The following DGKB variants were observed in gnomAD, a reference collection of about 807,000 sequenced individuals.
DGKB encodes the protein diacylglycerol kinase beta, also known as 90 kDa diacylglycerol kinase.
In DGKB, 67 loss-of-function variants were observed where a neutral mutation model predicts 114.3. The observed-to-expected ratio is 0.59, with a 90% CI of 0.48 to 0.72. The LOEUF is 0.72. Among genes scored for constraint, DGKB ranks in the 30% least tolerant of loss-of-function variants. The probability of loss-of-function intolerance (pLI) is 0.00; values close to 1 mark genes in which losing one functional copy is unlikely to be tolerated. For synonymous variants in DGKB, 398 were observed against 323.1 expected (o/e 1.23, Z -2.49); for missense variants, 907 against 975.2 (o/e 0.93, Z 0.93).
At chr7:14,231,407 G>A (rs2128341585) in intron 23 of DGKB, among the ~76,000 whole-genome samples, 1 of 151,846 alleles carries the variant, frequency 6.6e-6, no homozygotes. Context: ...CCCAAAATAT[G>A]CTTTTTAATG....
At chr7:14,560,318 G>A (rs1316576005) in intron 20 of DGKB, among the ~76,000 whole-genome samples, 3 of 152,076 alleles carry the variant, frequency 2.0e-5, no homozygotes, top group Non-Finnish European at 4.4e-5. Context: ...TATCCCTCTA[G>A]CTTTACTGAA....
chr7:14,684,978 A>C (rs1821425799), intron 10 of DGKB, among the ~76,000 whole-genome samples: 1 of 152,182 alleles, frequency 6.6e-6, no homozygotes, highest in African/African-American at 2.4e-5. Flanking sequence ...AGAAATGGGA[A>C]ACATGAATAA....
intron 21 of DGKB, 130 bp downstream of exon 21, chr7:14,478,025 TACACAC>T (rs3839747): frequency 1.4e-4 from 57 of 404,874 alleles, no homozygotes; most frequent in African/African-American, 1.0e-3. Context: ...TCTTAATATT[TACACAC>T]ACACACACAC....
At chr7:14,315,071 C>G (rs1458351154) in intron 23 of DGKB, among the ~76,000 whole-genome samples, 1 of 151,082 alleles carries the variant, frequency 6.6e-6, no homozygotes, top group Non-Finnish European at 1.5e-5. Context: ...ACTTTACAGA[C>G]AAGCAAATGC....
chr7:14,306,259 G>T (rs1208365504), intron 23 of DGKB, among the ~76,000 whole-genome samples: 1 of 151,926 alleles, frequency 6.6e-6, no homozygotes, highest in Non-Finnish European at 1.5e-5. Flanking sequence ...AAGTTAAATA[G>T]ACTGGAATCA....
chr7:14,566,929 C>A (rs1797471077), intron 20 of DGKB, among the ~76,000 whole-genome samples: 1 of 150,474 alleles, frequency 6.6e-6, no homozygotes, highest in African/African-American at 2.4e-5. Flanking sequence ...CGGTTGATGT[C>A]CTTCATGGTA....
intron 2 of DGKB, among the ~76,000 whole-genome samples, chr7:14,833,883 T>C (rs957766608): frequency 6.6e-6 from 1 of 152,122 alleles, no homozygotes; most frequent in Non-Finnish European, 1.5e-5. Context: ...CTTCTATCCA[T>C]ATGCGCAGAG....
At chr7:14,965,109 T>A (rs1044290501) in intron 1 of DGKB, among the ~76,000 whole-genome samples, 2 of 152,102 alleles carry the variant, frequency 1.3e-5, no homozygotes, top group Non-Finnish European at 2.9e-5. Context: ...GGTACAGGGC[T>A]AGTTGGAAGA....
intron 21 of DGKB, among the ~76,000 whole-genome samples, chr7:14,472,711 T>C (rs1485908614): frequency 1.3e-5 from 2 of 152,160 alleles, no homozygotes; most frequent in Non-Finnish European, 2.9e-5. Flanking sequence ...AAAATGCTGA[T>C]ATTGATACGG....
chr7:14,933,832 C>T (rs1785150767), intron 1 of DGKB, among the ~76,000 whole-genome samples: 1 of 152,046 alleles, frequency 6.6e-6, no homozygotes, highest in Non-Finnish European at 1.5e-5. Context: ...TTTTCAACAG[C>T]CCTAGAAGTT....
chr7:14,818,645 A>T (rs530963165), intron 2 of DGKB, among the ~76,000 whole-genome samples: 114 of 152,350 alleles, frequency 7.5e-4, no homozygotes, highest in African/African-American at 2.5e-3. Context: ...GAAAAGAAAA[A>T]GAACTGAAGA....
At chr7:14,534,663 A>G (rs1378879642) in intron 20 of DGKB, among the ~76,000 whole-genome samples, 1 of 152,152 alleles carries the variant, frequency 6.6e-6, no homozygotes, top group South Asian at 2.1e-4. Context: ...AATGGAAACC[A>G]AAAGAGTTGG....
chr7:14,146,253 C>T lies in DGKB; in HGVS notation c.*2878G>A, dbSNP rs909590655. 3 of 152,184 alleles carry T rather than the reference C, an allele frequency of 2.0e-5. No individual in the cohort carries two copies. Among genetic ancestry groups the T allele is most frequent in the African/African-American group, 7.2e-5 (3 of 41,454 alleles). The allele number at this position is 152,184 out of a possible 1,614,324, so 9.4% of individuals were successfully genotyped here. On this transcript the variant is annotated 3_prime_UTR_variant, in exon 26 of 26. Transcript: ENST00000402815. ...TATGTAGATACCTCCCTTCCTATCT[C>T]TTAGAAGCGTGGATATCAAGGTTTA...
intron 21 of DGKB, among the ~76,000 whole-genome samples, chr7:14,374,238 A>T (rs1002347927): frequency 6.6e-6 from 1 of 152,176 alleles, no homozygotes; most frequent in Non-Finnish European, 1.5e-5. Flanking sequence ...CCTCCAAGCG[A>T]GACATTAAAC....
Position 14,147,492 on chromosome 7 carries a change from G to T in DGKB, c.*1639C>A, listed in dbSNP as rs1385515697. ...CATTCAGTTGAGTTTTCAAACCAAA[G>T]AACTAAAATTATAGCAATTTCACTT... On this transcript the variant is annotated 3_prime_UTR_variant, in exon 26 of 26. Transcript: ENST00000402815. 1 of 152,194 alleles carries T rather than the reference G, an allele frequency of 6.6e-6. No homozygotes were observed. Among genetic ancestry groups the T allele is most frequent in the South Asian group, 2.1e-4 (1 of 4,824 alleles). 9.4% of individuals were successfully genotyped at this position (152,194 alleles called of 1,614,324 possible). A position where few individuals can be genotyped will look rare whatever the true frequency, so the allele number is the denominator to read the frequency against.
intron 23 of DGKB, among the ~76,000 whole-genome samples, chr7:14,285,348 T>C (rs1800708874): frequency 6.6e-6 from 1 of 152,140 alleles, no homozygotes; most frequent in South Asian, 2.1e-4. Flanking sequence ...GGGCTACAAA[T>C]TACTATTGGA....
chr7:14,176,200 CTGT>C (rs1284448678), intron 25 of DGKB: 1 of 255,516 alleles, frequency 3.9e-6, no homozygotes, highest in Admixed American at 6.5e-5. Context: ...GGAAATTACA[CTGT>C]TGGTCTTGTT....
chr7:14,288,460 A>G (rs1384726365), intron 23 of DGKB, among the ~76,000 whole-genome samples: 1 of 152,094 alleles, frequency 6.6e-6, no homozygotes, highest in African/African-American at 2.4e-5. Flanking sequence ...TTGCAAAGAT[A>G]TATTTCTAGT....
At chr7:14,360,276 A>T (rs1815447390) in intron 21 of DGKB, among the ~76,000 whole-genome samples, 1 of 152,042 alleles carries the variant, frequency 6.6e-6, no homozygotes, top group South Asian at 2.1e-4. Flanking sequence ...GAACACTTGG[A>T]CACAGGGAGA....
Sources: gnomAD v4.1 joint callset for allele counts (sites outside exome capture counted in the v4.1 genomes callset) on GRCh38, gnomAD v4.1.1 for gene constraint, MANE v1.5 for transcripts, NCBI Gene and HGNC (gene_info 2026-07-23, HGNC 2026-07-21) for gene names.